The following OXCT1 variants were observed in gnomAD, a reference collection of about 807,000 sequenced individuals.
OXCT1 encodes the protein 3-oxoacid CoA-transferase 1, also known as succinyl-CoA:3-ketoacid coenzyme A transferase 1, mitochondrial.
In OXCT1, 27 loss-of-function variants were observed where a neutral mutation model predicts 69.6. The observed-to-expected ratio is 0.39, with a 90% CI of 0.29 to 0.54. The LOEUF is 0.54. Ranked by LOEUF, OXCT1 falls within the 20% of genes least tolerant of loss-of-function variation. The pLI, the probability that OXCT1 is intolerant of heterozygous loss-of-function variation, is 0.72. For missense variants in OXCT1, 437 were observed against 650.2 expected (o/e 0.67, Z 3.57); for synonymous variants, 202 against 217.8 (o/e 0.93, Z 0.64).
chr5:41,742,529 C>T lies in OXCT1; in HGVS notation c.1420-3038G>A, dbSNP rs549360135. ...TAAGTTTTAGGGTACACGTGCACAA[C>T]GTGCAGGTTTGTTACATATGTATGC... is the stretch of plus-strand genomic sequence containing the variant. On this transcript the variant is annotated intron_variant, in intron 15 of 16. Transcript: ENST00000196371. Among the ~76,000 whole-genome samples, 9 of 152,224 alleles carry T rather than the reference C, an allele frequency of 5.9e-5. 1 individual carries two copies. Among genetic ancestry groups the T allele is most frequent in the East Asian group, 5.8e-4 (3 of 5,176 alleles).
intron 7 of OXCT1, among the ~76,000 whole-genome samples, chr5:41,822,337 G>A (rs192002759): frequency 3.3e-5 from 5 of 152,174 alleles, no homozygotes; most frequent in Admixed American, 3.3e-4. Flanking sequence ...AATAAGAACT[G>A]CCACACCATA....
At chr5:41,772,515 T>G (rs76381814) in intron 13 of OXCT1, among the ~76,000 whole-genome samples, 6,232 of 152,190 alleles carry the variant, frequency 0.041, 280 homozygotes, top group African/African-American at 0.093. Context: ...TTGCAAAAGA[T>G]CATGCTATGT....
rs372702324 is a variant in OXCT1 at position 41,853,446 on chromosome 5, A to C, written c.387T>G (p.Gly129=). ...NAEFERQYLS[G]ELEVELTPQG... ...GTGGTGTCAGCTCCACTTCTAATTC[A>C]CCAGATAAGTACTGTCGTTCAAATT... The change falls in exon 4 of 17, where the codon GGT becomes GGG. Residue 129 remains glycine, a synonymous_variant. Transcript: ENST00000196371. 44 of 1,613,812 alleles carry C rather than the reference A, an allele frequency of 2.7e-5. 1 individual carries two copies. In the Middle Eastern group the frequency reaches 9.9e-4, roughly 36 times the overall value.
chr5:41,763,143 A>T (rs1744427340), intron 13 of OXCT1, among the ~76,000 whole-genome samples: 1 of 152,190 alleles, frequency 6.6e-6, no homozygotes, highest in South Asian at 2.1e-4. Flanking sequence ...AATGCACACA[A>T]CATGGCTTTA....
In OXCT1 at chr5:41,784,188, T is replaced by G. The variant is rs536085683; in HGVS notation, c.1248+9815A>C. On this transcript the variant is annotated intron_variant, in intron 13 of 16. Coordinates refer to ENST00000196371, the MANE Select transcript of OXCT1 (RefSeq NM_000436.4). ...TTGCAAGATAATTTTATAAACATTCTTTGTAGAGGGCCTGAAATTTTCCAA... is the reference window on the plus strand; with the variant it reads ...TTGCAAGATAATTTTATAAACATTCGTTGTAGAGGGCCTGAAATTTTCCAA... Among the ~76,000 whole-genome samples, 7 of 152,350 alleles carry G rather than the reference T, an allele frequency of 4.6e-5. No homozygotes were observed. In the South Asian group the frequency reaches 1.2e-3, roughly 27 times the overall value.
Position 41,795,720 on chromosome 5 carries a change from A to C in OXCT1, c.1100-971T>G, listed in dbSNP as rs573391476. ...GAAATTTGCTAGAAAAGTAGATCTT[A>C]AGAGTTCTCACTACAAAAAAAGGTA... On this transcript the variant is annotated intron_variant, in intron 11 of 16. Transcript: ENST00000196371. 5.3e-5 allele frequency among the ~76,000 whole-genome samples: 8 copies of C among 152,276 alleles called. No homozygotes were observed. In the South Asian group the frequency reaches 1.7e-3, roughly 32 times the overall value.
intron 15 of OXCT1, among the ~76,000 whole-genome samples, chr5:41,747,584 G>T (rs1444066505): frequency 1.3e-5 from 2 of 150,736 alleles, no homozygotes; most frequent in East Asian, 3.9e-4. Flanking sequence ...GGGAAGACTT[G>T]CTAGATTAGC....
intron 4 of OXCT1, among the ~76,000 whole-genome samples, chr5:41,850,736 A>G (rs1035891265): frequency 6.6e-6 from 1 of 152,228 alleles, no homozygotes; most frequent in Non-Finnish European, 1.5e-5. Flanking sequence ...CCAAGAGTAC[A>G]TCAAATTGTT....
At chr5:41,748,593 AT>A (rs1743621336) in intron 15 of OXCT1, among the ~76,000 whole-genome samples, 1 of 152,004 alleles carries the variant, frequency 6.6e-6, no homozygotes, top group South Asian at 2.1e-4. Context: ...CCTTCATGGC[AT>A]TCCACATAAG....
At chr5:41,791,280 A>C (rs1420055966) in intron 13 of OXCT1, among the ~76,000 whole-genome samples, 1 of 152,214 alleles carries the variant, frequency 6.6e-6, no homozygotes, top group Non-Finnish European at 1.5e-5. Context: ...TTACCAAAAC[A>C]GTGGAACCAA....
intron 6 of OXCT1, among the ~76,000 whole-genome samples, 189 bp from the exon 7 acceptor site, chr5:41,840,700 ACT>A (rs1748587909): frequency 6.6e-6 from 1 of 152,212 alleles, no homozygotes; most frequent in South Asian, 2.1e-4. Context: ...AACCATAACT[ACT>A]TTATTCAATG....
chr5:41,842,186 G>T lies in OXCT1; in HGVS notation c.671+489C>A, dbSNP rs189205836. Among the ~76,000 whole-genome samples the T allele has an allele frequency of 3.8e-3, 572 of 152,204 alleles. 21 individuals carry two copies. Among genetic ancestry groups the T allele is most frequent in the Admixed American group, 0.036 (543 of 15,274 alleles). ...AGGATTGAAAATTCAGTATTATAAA[G>T]GTTAATCAATTTTTCAGATAGAACC... On this transcript the variant is annotated intron_variant, in intron 6 of 16. Transcript: ENST00000196371.
At chr5:41,814,799 G>A (rs972391650) in intron 7 of OXCT1, among the ~76,000 whole-genome samples, 7 of 151,156 alleles carry the variant, frequency 4.6e-5, no homozygotes, top group East Asian at 3.9e-4. Flanking sequence ...TGGGTGCAGC[G>A]CACCAGCATG....
At chr5:41,810,547 A>G (rs1746924414) in intron 7 of OXCT1, among the ~76,000 whole-genome samples, 1 of 152,036 alleles carries the variant, frequency 6.6e-6, no homozygotes, top group Non-Finnish European at 1.5e-5. Flanking sequence ...TCTAATTGGT[A>G]CTTGTCTTTA....
At chr5:41,749,894 G>A (rs1482706097) in intron 14 of OXCT1, among the ~76,000 whole-genome samples, 3 of 152,222 alleles carry the variant, frequency 2.0e-5, no homozygotes, top group Admixed American at 2.0e-4. Flanking sequence ...ATCATTTGAA[G>A]TGAAATGTCA....
chr5:41,843,517 T>C (rs1368094034), intron 5 of OXCT1: 2 of 455,980 alleles, frequency 4.4e-6, no homozygotes, highest in Non-Finnish European at 8.8e-6. Flanking sequence ...TTATGTTTAT[T>C]GCCTTTTAAT....
In OXCT1 at chr5:41,870,002, CCA is replaced by C; in HGVS notation, c.78+277_78+278del. 1 of 476,184 alleles carries C rather than the reference CCA, an allele frequency of 2.1e-6. No homozygotes were observed. Among genetic ancestry groups the C allele is most frequent in the Non-Finnish European group, 3.9e-6 (1 of 258,558 alleles). 29.5% of individuals were successfully genotyped at this position (476,184 alleles called of 1,614,324 possible). On this transcript the variant is annotated intron_variant, in intron 1 of 16. Transcript: ENST00000196371. The surrounding 1 kb of genome is among the most constrained non-coding windows in gnomAD (Gnocchi z 4.2). ...AGCGCCAAAGGGCTCGGGAGCGCTG[CCA>C]GGAGTCCTCCCGCCCCTTCTCAGCC...
At chr5:41,739,634 G>A in intron 15 of OXCT1, 143 bp from the exon 16 acceptor site, 1 of 649,420 alleles carries the variant, frequency 1.5e-6, no homozygotes, top group East Asian at 3.0e-5. Flanking sequence ...GGTAGGCTTA[G>A]GTGGGTGGAT....
chr5:41,834,062 T>C (rs907451968), intron 7 of OXCT1, among the ~76,000 whole-genome samples: 4 of 151,780 alleles, frequency 2.6e-5, no homozygotes, highest in Admixed American at 6.6e-5. Context: ...TATTTGTTTA[T>C]GCAATTAGTG....
Sources: gnomAD v4.1 joint callset for allele counts (sites outside exome capture counted in the v4.1 genomes callset) on GRCh38, gnomAD v4.1.1 for gene constraint, Gnocchi (gnomAD v3.1) non-coding constraint, MANE v1.5 for transcripts, NCBI Gene and HGNC (gene_info 2026-07-23, HGNC 2026-07-21) for gene names.